Variants in GRIA4 observed in about 807,000 individuals in gnomAD.
The protein encoded by GRIA4 is glutamate receptor 4.
In GRIA4, 34 loss-of-function variants were observed where a neutral mutation model predicts 104.0. That is an observed-to-expected ratio of 0.33 (90% CI 0.25 to 0.44). The LOEUF (loss-of-function observed/expected upper bound fraction) is 0.44. Ranked by LOEUF, GRIA4 falls within the 20% of genes least tolerant of loss-of-function variation. The probability of loss-of-function intolerance (pLI) is 1.00; values close to 1 mark genes in which losing one functional copy is unlikely to be tolerated. For synonymous variants in GRIA4, 386 were observed against 381.9 expected (o/e 1.01, Z -0.13); for missense variants, 750 against 1,096.5 (o/e 0.68, Z 4.46).
intron 4 of GRIA4, among the ~76,000 whole-genome samples, chr11:105,821,841 T>C (rs957916948): frequency 7.2e-5 from 11 of 152,134 alleles, no homozygotes; most frequent in Non-Finnish European, 1.5e-4. Context: ...CTTAACACAT[T>C]ATGCCAGTAA....
At chr11:105,683,122 A>G (rs910407600) in intron 3 of GRIA4, among the ~76,000 whole-genome samples, 9 of 152,194 alleles carry the variant, frequency 5.9e-5, no homozygotes, top group African/African-American at 2.2e-4. Context: ...AAGATGGAGT[A>G]TAAGGAATAA....
rs1296235037 is a variant in GRIA4 at position 105,791,815 on chromosome 11, T to C, written c.487+38595T>C. Among the ~76,000 whole-genome samples the C allele has an allele frequency of 3.9e-5, 6 of 152,304 alleles. No individual in the cohort carries two copies. The East Asian group carries it at 1.2e-3, about 29-fold the overall frequency. On this transcript the variant is annotated intron_variant, in intron 4 of 16. Coordinates refer to ENST00000282499, the MANE Select transcript of GRIA4 (RefSeq NM_000829.4). ...TTTGAAGTTAACATTAGAAATTTAA[T>C]ACTAAAGTGAATTACACGTGGGCAA...
intron 3 of GRIA4, among the ~76,000 whole-genome samples, chr11:105,632,708 C>A (rs1386373819): frequency 6.6e-6 from 1 of 152,090 alleles, no homozygotes; most frequent in Non-Finnish European, 1.5e-5. Context: ...CTGAGGCAGG[C>A]AGAACACTTG....
chr11:105,719,779 A>C (rs1937662709), intron 3 of GRIA4, among the ~76,000 whole-genome samples: 1 of 148,460 alleles, frequency 6.7e-6, no homozygotes, highest in Non-Finnish European at 1.5e-5. Context: ...ATGATTGGGA[A>C]AAAAAAAAAA....
intron 11 of GRIA4, 129 bp from the exon 12 acceptor site, chr11:105,924,270 A>T: frequency 8.1e-6 from 5 of 620,788 alleles, no homozygotes; most frequent in Middle Eastern, 4.5e-4. Flanking sequence ...AGGCTTATAC[A>T]TTGTTGGCAC....
intron 3 of GRIA4, among the ~76,000 whole-genome samples, chr11:105,617,326 G>A (rs1950626039): frequency 6.6e-6 from 1 of 151,396 alleles, no homozygotes; most frequent in Non-Finnish European, 1.5e-5. Flanking sequence ...CAGTGAGACA[G>A]TCTAAAAAGA....
intron 5 of GRIA4, among the ~76,000 whole-genome samples, chr11:105,880,133 C>T (rs1320136616): frequency 6.6e-6 from 1 of 152,172 alleles, no homozygotes; most frequent in East Asian, 1.9e-4. Context: ...ATGGTTCTTT[C>T]AAGCTGTTAC....
chr11:105,873,321 A>G (rs1406314494), intron 5 of GRIA4, among the ~76,000 whole-genome samples: 1 of 152,170 alleles, frequency 6.6e-6, no homozygotes, highest in Non-Finnish European at 1.5e-5. Context: ...CCAGTCTACC[A>G]TTGATGGGCA....
chr11:105,894,792 T>A (rs1162365796), intron 6 of GRIA4, among the ~76,000 whole-genome samples: 9 of 95,748 alleles, frequency 9.4e-5, no homozygotes, highest in Non-Finnish European at 1.6e-4. Flanking sequence ...TTGCTACATA[T>A]TTTTTTTTTT....
At chr11:105,669,755 A>G (rs1459928403) in intron 3 of GRIA4, among the ~76,000 whole-genome samples, 1 of 152,182 alleles carries the variant, frequency 6.6e-6, no homozygotes, top group African/African-American at 2.4e-5. Context: ...TTGTGAATAA[A>G]TAAACACTGT....
At chr11:105,941,033 A>G (rs1243865717) in intron 14 of GRIA4, among the ~76,000 whole-genome samples, 1 of 152,184 alleles carries the variant, frequency 6.6e-6, no homozygotes, top group Non-Finnish European at 1.5e-5. Context: ...ACTGACACAA[A>G]TATACAGTAT....
At chr11:105,659,252 A>G (rs1951935931) in intron 3 of GRIA4, among the ~76,000 whole-genome samples, 1 of 151,978 alleles carries the variant, frequency 6.6e-6, no homozygotes, top group Admixed American at 6.6e-5. Context: ...AAGAAGCTAC[A>G]ATGCCAAGTA....
At chr11:105,937,297 A>C (rs1948071130) in intron 14 of GRIA4, among the ~76,000 whole-genome samples, 1 of 152,204 alleles carries the variant, frequency 6.6e-6, no homozygotes, top group South Asian at 2.1e-4. Context: ...AGTTGATTAT[A>C]ATATAGACAT....
chr11:105,901,254 TACTCCATAACCAAAA>T (rs1223668181), intron 7 of GRIA4, among the ~76,000 whole-genome samples: 4 of 152,204 alleles, frequency 2.6e-5, no homozygotes, highest in Non-Finnish European at 2.9e-5. Context: ...CTCTGTTTTA[TACTCCATAACCAAAA>T]AAATGTGCTT....
chr11:105,829,803 T>G (rs969026972), intron 4 of GRIA4, among the ~76,000 whole-genome samples: 1 of 151,800 alleles, frequency 6.6e-6, no homozygotes, highest in Admixed American at 6.6e-5. Flanking sequence ...TATCCATATA[T>G]AAGTTTAAAA....
chr11:105,807,267 T>A (rs139167828), intron 4 of GRIA4, among the ~76,000 whole-genome samples: 1 of 152,030 alleles, frequency 6.6e-6, no homozygotes, highest in African/African-American at 2.4e-5. Context: ...TATCTCAAAA[T>A]TATAACAATT....
At chr11:105,614,391 T>C (rs1259122240) in intron 3 of GRIA4, 1 of 151,974 alleles carries the variant, frequency 6.6e-6, no homozygotes, top group South Asian at 2.1e-4. Context: ...ATTATTTTAT[T>C]TATGTAATAA....
chr11:105,831,256 T>C (rs1266016094), intron 4 of GRIA4, among the ~76,000 whole-genome samples: 1 of 152,008 alleles, frequency 6.6e-6, no homozygotes, highest in Non-Finnish European at 1.5e-5. Context: ...TGTGGCTTTC[T>C]TAAAGCATGA....
intron 4 of GRIA4, among the ~76,000 whole-genome samples, chr11:105,808,406 G>A (rs367812718): frequency 6.6e-6 from 1 of 152,034 alleles, no homozygotes; most frequent in African/African-American, 2.4e-5. Flanking sequence ...GAGAGAAAAG[G>A]CAAGTATAGA....
Sources: gnomAD v4.1 joint callset for allele counts (sites outside exome capture counted in the v4.1 genomes callset) on GRCh38, gnomAD v4.1.1 for gene constraint, MANE v1.5 for transcripts, NCBI Gene and HGNC (gene_info 2026-07-23, HGNC 2026-07-21) for gene names.